TPD52L1: variants seen among roughly 807,000 people sequenced by gnomAD.
TPD52L1 encodes the protein TPD52 like 1.
TPD52L1 carries 18 observed loss-of-function variants against 28.7 expected under a neutral mutation model. The observed-to-expected ratio is 0.63, with a 90% CI of 0.43 to 0.93. The LOEUF (loss-of-function observed/expected upper bound fraction) is 0.93, where lower values mean the gene tolerates loss of function less well. Among genes scored for constraint, TPD52L1 ranks in the 40% least tolerant of loss-of-function variants. The pLI is 0.00. For missense variants in TPD52L1, 203 were observed against 254.8 expected, an observed-to-expected ratio of 0.80 and a Z score of 1.39; for synonymous variants, 75 against 88.8, an observed-to-expected ratio of 0.84 and a Z score of 0.88.
chr6:125,237,316 A>G (rs565011587), intron 3 of TPD52L1, among the ~76,000 whole-genome samples: 9 of 152,202 alleles, frequency 5.9e-5, no homozygotes, highest in Non-Finnish European at 1.3e-4. Context: ...GGTGATTGCA[A>G]GAGCCCCGGT....
chr6:125,235,133 A>ATAATAATAATAAT (rs71024715), intron 3 of TPD52L1, among the ~76,000 whole-genome samples: 1 of 150,238 alleles, frequency 6.7e-6, no homozygotes, highest in Admixed American at 6.7e-5. Context: ...AATAATAATA[A>ATAATAATAATAAT]AACACCAACT....
intron 1 of TPD52L1, among the ~76,000 whole-genome samples, chr6:125,164,754 G>T (rs1790765101): frequency 6.6e-6 from 1 of 151,958 alleles, no homozygotes; most frequent in Non-Finnish European, 1.5e-5. Flanking sequence ...TGAAAAAAAT[G>T]AGCCATCAAT....
chr6:125,241,036 G>A (rs554410806), intron 3 of TPD52L1, among the ~76,000 whole-genome samples: 2 of 152,130 alleles, frequency 1.3e-5, no homozygotes, highest in East Asian at 3.9e-4. Context: ...TAATCATAAA[G>A]GGATGCCATA....
At chr6:125,203,417 C>G (rs1463359420) in intron 1 of TPD52L1, among the ~76,000 whole-genome samples, 1 of 152,000 alleles carries the variant, frequency 6.6e-6, no homozygotes, top group Non-Finnish European at 1.5e-5. Flanking sequence ...CACAATGCAT[C>G]TATTTTGTGT....
In TPD52L1 at chr6:125,210,977, C is replaced by T. The variant is rs187230333; in HGVS notation, c.20-9101C>T. On this transcript the variant is annotated intron_variant, in intron 1 of 6. Transcript: ENST00000534000. The stretch of plus-strand genomic sequence containing the variant: ...TATCACTATACTATCTTGCAATCGA[C>T]GGATCATTAAGCAAAATATCGGGAT... Among the ~76,000 whole-genome samples, 110 of 152,242 alleles carry T rather than the reference C, an allele frequency of 7.2e-4. 2 individuals are homozygous for T. The highest frequency in any genetic ancestry group is 2.2e-4 in the Non-Finnish European group (15 of 68,012).
chr6:125,251,957 T>C (rs1486004352), intron 4 of TPD52L1: 1 of 1,517,938 alleles, frequency 6.6e-7, no homozygotes, highest in African/African-American at 1.4e-5. Context: ...GGCAGTGCAG[T>C]GTTTCTCTGC....
chr6:125,191,033 CA>C (rs1287278500), intron 1 of TPD52L1, among the ~76,000 whole-genome samples: 1 of 152,200 alleles, frequency 6.6e-6, no homozygotes, highest in African/African-American at 2.4e-5. Flanking sequence ...CTTGACTCTA[CA>C]TATTAACTAT....
rs141837051 is a variant in TPD52L1, at chr6:125,220,112, C to T, written c.54C>T (p.Asp18=). The change falls in exon 2 of 7, where the codon GAC becomes GAT. Residue 18 remains aspartate (D), a synonymous_variant. Transcript: ENST00000534000. ...AGACTGAACCGTTGCAAGGAACAGACGAAGATGCAGTAGCCAGTGCTGACT... is the reference window on the plus strand; with the variant it reads ...AGACTGAACCGTTGCAAGGAACAGATGAAGATGCAGTAGCCAGTGCTGACT... ...LLETEPLQGT[D]EDAVASADFS... 6.2e-5 allele frequency: 100 copies of T among 1,613,702 alleles called. 1 individual carries two copies. The highest frequency in any genetic ancestry group is 6.0e-4 in the African/African-American group (45 of 74,978).
At chr6:125,204,911 A>G (rs1292501017) in intron 1 of TPD52L1, among the ~76,000 whole-genome samples, 1 of 152,252 alleles carries the variant, frequency 6.6e-6, no homozygotes, top group East Asian at 1.9e-4. Flanking sequence ...GGGGCATCTA[A>G]CAATCTAGAG....
At chr6:125,233,656 T>A (rs750785826) in intron 3 of TPD52L1, among the ~76,000 whole-genome samples, 10 of 152,338 alleles carry the variant, frequency 6.6e-5, no homozygotes, top group South Asian at 4.1e-4. Context: ...ATGCTGCATA[T>A]TCAACCATTA....
chr6:125,262,707 T>G (rs1404083541), intron 6 of TPD52L1, 127 bp from the exon 7 acceptor site: 10 of 1,276,874 alleles, frequency 7.8e-6, no homozygotes, highest in Non-Finnish European at 8.5e-6. Context: ...TTCTGTGCAT[T>G]CTTTTGTCTC....
chr6:125,249,313 C>A (rs1381538911), intron 4 of TPD52L1, among the ~76,000 whole-genome samples: 1 of 150,834 alleles, frequency 6.6e-6, no homozygotes, highest in Non-Finnish European at 1.5e-5. Context: ...TTTTACATTT[C>A]TTCTTTAAAA....
chr6:125,179,373 C>T (rs774511182), intron 1 of TPD52L1, among the ~76,000 whole-genome samples: 2 of 152,196 alleles, frequency 1.3e-5, no homozygotes, highest in African/African-American at 2.4e-5. Context: ...GGGTCATGTC[C>T]CACTCAGCCT....
chr6:125,219,925 C>T, intron 1 of TPD52L1, 153 bp from the exon 2 acceptor site: 1 of 693,090 alleles, frequency 1.4e-6, no homozygotes, highest in Non-Finnish European at 2.6e-6. Context: ...GAGCTCGTCA[C>T]ACATTTAGGA....
intron 1 of TPD52L1, among the ~76,000 whole-genome samples, chr6:125,177,331 C>CAGT (rs1420055817): frequency 6.6e-6 from 1 of 152,304 alleles, no homozygotes; most frequent in East Asian, 1.9e-4. Flanking sequence ...ATATTGTTGA[C>CAGT]AGTGAACTCC....
At chr6:125,213,988 T>C (rs1326212360) in intron 1 of TPD52L1, among the ~76,000 whole-genome samples, 2 of 152,110 alleles carry the variant, frequency 1.3e-5, no homozygotes, top group Admixed American at 1.3e-4. Context: ...CAGTAGGAAG[T>C]CAATACAGTC....
At chr6:125,172,537 TATATATATATATATA>T (rs1419456897) in intron 1 of TPD52L1, among the ~76,000 whole-genome samples, 5 of 88,866 alleles carry the variant, frequency 5.6e-5, no homozygotes, top group African/African-American at 2.5e-4. Flanking sequence ...TATATATATA[TATATATATATATATA>T]ATATATATAC....
intron 1 of TPD52L1, among the ~76,000 whole-genome samples, chr6:125,185,521 C>T (rs767778071): frequency 6.6e-6 from 1 of 151,892 alleles, no homozygotes; most frequent in Non-Finnish European, 1.5e-5. Context: ...AAGAAACACA[C>T]TTGGGACAAA....
At chr6:125,215,984 GT>G (rs1443307249) in intron 1 of TPD52L1, among the ~76,000 whole-genome samples, 186 of 152,284 alleles carry the variant, frequency 1.2e-3, no homozygotes, top group African/African-American at 4.0e-3. Flanking sequence ...GTGGGGAGAA[GT>G]CCACAGTGTG....
Sources: gnomAD v4.1 joint callset for allele counts (sites outside exome capture counted in the v4.1 genomes callset) on GRCh38, gnomAD v4.1.1 for gene constraint, MANE v1.5 for transcripts, NCBI Gene and HGNC (gene_info 2026-07-23, HGNC 2026-07-21) for gene names.